Variants in GRIN2A observed in about 807,000 individuals in gnomAD.
The protein encoded by GRIN2A is glutamate ionotropic receptor NMDA type subunit 2A.
A neutral mutation model predicts 113.4 loss-of-function variants in GRIN2A; 22 were observed. The observed-to-expected ratio is 0.19, with a 90% CI of 0.14 to 0.28. The LOEUF (loss-of-function observed/expected upper bound fraction) is 0.28. GRIN2A is among the 10% of genes least tolerant of loss of function. The pLI, the probability that GRIN2A is intolerant of heterozygous loss-of-function variation, is 1.00. For missense variants in GRIN2A, 1,502 were observed against 1,887.0 expected (o/e 0.80, Z 3.78); for synonymous variants, 827 against 738.4 (o/e 1.12, Z -1.94).
intron 2 of GRIN2A, among the ~76,000 whole-genome samples, chr16:9,977,309 A>G (rs538992340): frequency 8.5e-5 from 9 of 106,424 alleles, no homozygotes; most frequent in African/African-American, 1.6e-4. Context: ...GGAAGGGGGG[A>G]GGGAGGGAGG....
At chr16:10,032,118 T>C (rs1042696923) in intron 2 of GRIN2A, among the ~76,000 whole-genome samples, 1 of 152,198 alleles carries the variant, frequency 6.6e-6, no homozygotes, top group Non-Finnish European at 1.5e-5. Flanking sequence ...CAGATTCACA[T>C]GAGCAGAAAC....
chr16:9,946,915 T>C (rs1424755322), intron 2 of GRIN2A, among the ~76,000 whole-genome samples: 2 of 152,220 alleles, frequency 1.3e-5, no homozygotes, highest in Non-Finnish European at 2.9e-5. Flanking sequence ...AAGCCACACC[T>C]GAAGACAAAT....
At chr16:9,962,961 G>A (rs2045472475) in intron 2 of GRIN2A, among the ~76,000 whole-genome samples, 1 of 152,010 alleles carries the variant, frequency 6.6e-6, no homozygotes, top group Admixed American at 6.5e-5. Flanking sequence ...ATGAGTTCAT[G>A]TCCTTTGTAG....
chr16:10,039,491 C>G (rs1394132768), intron 2 of GRIN2A, among the ~76,000 whole-genome samples: 2 of 152,128 alleles, frequency 1.3e-5, no homozygotes, highest in Non-Finnish European at 2.9e-5. Flanking sequence ...ACGCTAAACT[C>G]TAAGTCTTTT....
At chr16:9,903,038 G>A (rs923818324) in intron 3 of GRIN2A, among the ~76,000 whole-genome samples, 1 of 148,682 alleles carries the variant, frequency 6.7e-6, no homozygotes, top group South Asian at 2.2e-4. Flanking sequence ...GTACGATCTC[G>A]GCTCATTGCA....
chr16:10,017,614 A>G lies in GRIN2A; in HGVS notation c.415-79063T>C, dbSNP rs533242088. ...GTTGTGGGGGTTGTACAAAAGAACA[A>G]GCATAACATAAGAAAAGCATAAGAA... On this transcript the variant is annotated intron_variant, in intron 2 of 12. Transcript: ENST00000330684. 2.6e-5 allele frequency among the ~76,000 whole-genome samples: 4 copies of G among 152,338 alleles called. No homozygotes were observed. The East Asian group carries it at 7.7e-4, about 29-fold the overall frequency.
At chr16:10,181,209 A>G (rs2050265084) in intron 1 of GRIN2A, among the ~76,000 whole-genome samples, 1 of 49,166 alleles carries the variant, frequency 2.0e-5, no homozygotes, top group Non-Finnish European at 4.7e-5. Flanking sequence ...GCACACACAC[A>G]CGCACACACA....
chr16:9,812,333 TGTTA>T (rs1474421176), intron 10 of GRIN2A, among the ~76,000 whole-genome samples: 3 of 152,166 alleles, frequency 2.0e-5, no homozygotes, highest in Admixed American at 6.5e-5. Context: ...AAATGGAATC[TGTTA>T]GTTAGAAATG....
intron 2 of GRIN2A, among the ~76,000 whole-genome samples, chr16:10,130,538 C>G (rs1218686953): frequency 1.3e-5 from 2 of 152,308 alleles, no homozygotes; most frequent in East Asian, 3.9e-4. Flanking sequence ...CCAAGCCATC[C>G]TATTCACTTT....
chr16:9,959,624 G>A (rs1349715489), intron 2 of GRIN2A, among the ~76,000 whole-genome samples: 1 of 152,214 alleles, frequency 6.6e-6, no homozygotes, highest in Non-Finnish European at 1.5e-5. Context: ...AAAGCAAGGA[G>A]CCCAAAGAAC....
At chr16:9,984,625 T>G (rs576977513) in intron 2 of GRIN2A, among the ~76,000 whole-genome samples, 11 of 152,212 alleles carry the variant, frequency 7.2e-5, no homozygotes, top group Admixed American at 3.3e-4. Context: ...CAGAATGGTC[T>G]GCCTCATTTT....
At chr16:9,805,299 C>T (rs1290014402) in intron 10 of GRIN2A, among the ~76,000 whole-genome samples, 1 of 152,172 alleles carries the variant, frequency 6.6e-6, no homozygotes, top group Admixed American at 6.5e-5. Context: ...GGTCTCAGCA[C>T]ATTTAAAGGC....
chr16:10,044,003 G>GTATATATATA (rs1334877702), intron 2 of GRIN2A, among the ~76,000 whole-genome samples: 3 of 80,566 alleles, frequency 3.7e-5, no homozygotes, highest in African/African-American at 1.1e-4. Flanking sequence ...GTGTGTGTGT[G>GTATATATATA]TGTGTATATA....
At chr16:9,941,231 C>T (rs1264320399) in intron 2 of GRIN2A, among the ~76,000 whole-genome samples, 2 of 152,192 alleles carry the variant, frequency 1.3e-5, no homozygotes, top group African/African-American at 4.8e-5. Context: ...GGAGGTCAGA[C>T]ATGCCAGATG....
intron 2 of GRIN2A, among the ~76,000 whole-genome samples, chr16:10,122,561 T>C (rs1307825109): frequency 6.6e-6 from 1 of 152,122 alleles, no homozygotes; most frequent in Admixed American, 6.6e-5. Flanking sequence ...GATTAGTTAG[T>C]TCCTGATGCT....
intron 11 of GRIN2A, among the ~76,000 whole-genome samples, chr16:9,783,453 C>G (rs1005256865): frequency 2.0e-5 from 3 of 152,226 alleles, no homozygotes; most frequent in Non-Finnish European, 4.4e-5. Context: ...GCAATAAAGG[C>G]TTTCATGTCT....
At chr16:10,147,376 A>C (rs1033370460) in intron 2 of GRIN2A, among the ~76,000 whole-genome samples, 2 of 145,978 alleles carry the variant, frequency 1.4e-5, no homozygotes, top group Non-Finnish European at 3.0e-5. Context: ...TGGGAGGCCG[A>C]GGTAAGCAGA....
intron 2 of GRIN2A, among the ~76,000 whole-genome samples, chr16:9,960,365 T>A (rs1226379891): frequency 6.6e-6 from 1 of 152,184 alleles, no homozygotes; most frequent in Non-Finnish European, 1.5e-5. Flanking sequence ...TGCAAAAAGA[T>A]AATACACCCC....
chr16:10,137,720 C>T, intron 2 of GRIN2A, among the ~76,000 whole-genome samples: 1 of 152,150 alleles, frequency 6.6e-6, no homozygotes, highest in Non-Finnish European at 1.5e-5. Context: ...ATAGTTTCCT[C>T]CTCTGTAAAA....
Sources: gnomAD v4.1 joint callset for allele counts (sites outside exome capture counted in the v4.1 genomes callset) on GRCh38, gnomAD v4.1.1 for gene constraint, MANE v1.5 for transcripts, NCBI Gene and HGNC (gene_info 2026-07-23, HGNC 2026-07-21) for gene names.